Variants in ADARB2 observed in about 807,000 individuals in gnomAD.
ADARB2 encodes adenosine deaminase RNA specific B2 (inactive).
A neutral mutation model predicts 62.2 loss-of-function variants in ADARB2; 25 were observed. That is an observed-to-expected ratio of 0.40 (90% CI 0.29 to 0.56). The LOEUF (loss-of-function observed/expected upper bound fraction) is 0.56. Among genes scored for constraint, ADARB2 ranks in the 20% least tolerant of loss-of-function variants. The pLI is 0.43. For synonymous variants in ADARB2, 572 were observed against 500.8 expected (o/e 1.14, Z -1.90); for missense variants, 1,071 against 1,077.4 (o/e 0.99, Z 0.08).
chr10:1,359,542 C>G (rs1170490515), intron 3 of ADARB2, among the ~76,000 whole-genome samples: 1 of 152,230 alleles, frequency 6.6e-6, no homozygotes, highest in Non-Finnish European at 1.5e-5. Context: ...ACAAGTCTAT[C>G]GTACGTCATC....
chr10:1,487,370 T>C (rs1257778448), intron 1 of ADARB2, among the ~76,000 whole-genome samples: 1 of 152,226 alleles, frequency 6.6e-6, no homozygotes, highest in Non-Finnish European at 1.5e-5. Context: ...CTCACACTTC[T>C]CGTAAACAGA....
chr10:1,611,246 ATCTT>A (rs1833568817), intron 1 of ADARB2, among the ~76,000 whole-genome samples: 1 of 152,092 alleles, frequency 6.6e-6, no homozygotes, highest in Non-Finnish European at 1.5e-5. Flanking sequence ...CCAGCGGCCG[ATCTT>A]TCTTCTTCTC....
chr10:1,213,812 G>T (rs1440057930), intron 7 of ADARB2, among the ~76,000 whole-genome samples: 1 of 152,258 alleles, frequency 6.6e-6, no homozygotes, highest in Non-Finnish European at 1.5e-5. Context: ...TGCCCCTTGA[G>T]TGGCCACTGA....
At chr10:1,269,198 CTG>C (rs1399452570) in intron 4 of ADARB2, among the ~76,000 whole-genome samples, 1 of 151,592 alleles carries the variant, frequency 6.6e-6, no homozygotes, top group Non-Finnish European at 1.5e-5. Flanking sequence ...TAGCAGAAAT[CTG>C]TGTAACACTC....
intron 3 of ADARB2, among the ~76,000 whole-genome samples, chr10:1,334,795 C>T (rs117761308): frequency 6.6e-6 from 1 of 152,222 alleles, no homozygotes; most frequent in Non-Finnish European, 1.5e-5. Flanking sequence ...TGTAGCTGGG[C>T]CATTGCTGCA....
Position 1,381,058 on chromosome 10 carries a change from A to T in ADARB2, c.101-1898T>A, listed in dbSNP as rs369014189. Among the ~76,000 whole-genome samples, 10 of 152,372 alleles carry T rather than the reference A, an allele frequency of 6.6e-5. 1 individual carries two copies. The highest frequency in any genetic ancestry group is 2.4e-4 in the African/African-American group (10 of 41,596). ...CTTTCTGATGTTGTTAGATTTATCA[A>T]ATAAAAATTCAGGACATCCAGTTAA... On this transcript the variant is annotated intron_variant, in intron 1 of 9. Coordinates refer to ENST00000381312, the MANE Select transcript of ADARB2 (RefSeq NM_018702.4).
In ADARB2 at chr10:1,363,634, C is replaced by A. The variant is rs551013892; in HGVS notation, c.471G>T (p.Ala157=). 1.2e-4 allele frequency: 193 copies of A among 1,605,324 alleles called. No homozygotes were observed. The highest frequency in any genetic ancestry group is 1.6e-4 in the Non-Finnish European group (190 of 1,175,948). The change falls in exon 3 of 10, where the codon GCG becomes GCT. Residue 157 remains alanine, a synonymous_variant. Coordinates refer to ENST00000381312, the MANE Select transcript of ADARB2 (RefSeq NM_018702.4). ...QTGPVHAPVF[A]VAVEVNGLTF... ...TGAGCCCGTTCACCTCCACCGCTACCGCGAAGACCGGGGCATGCACCGGGC... is the reference window on the plus strand; with the variant it reads ...TGAGCCCGTTCACCTCCACCGCTACAGCGAAGACCGGGGCATGCACCGGGC...
At chr10:1,548,947 C>T (rs1315148984) in intron 1 of ADARB2, among the ~76,000 whole-genome samples, 2 of 152,120 alleles carry the variant, frequency 1.3e-5, no homozygotes, top group Non-Finnish European at 2.9e-5. Flanking sequence ...TTAAGGTGAT[C>T]TGGCTGGGCC....
chr10:1,272,419 T>C (rs952949244), intron 3 of ADARB2, among the ~76,000 whole-genome samples: 7 of 152,230 alleles, frequency 4.6e-5, no homozygotes, highest in Non-Finnish European at 8.8e-5. Flanking sequence ...CATGTTTGTG[T>C]GAAAACAGCC....
At chr10:1,217,875 C>T (rs544133389) in intron 6 of ADARB2, among the ~76,000 whole-genome samples, 95 of 152,160 alleles carry the variant, frequency 6.2e-4, no homozygotes, top group Non-Finnish European at 1.2e-3. Flanking sequence ...CCAGAAGTGA[C>T]GGAGCGTCTG....
At chr10:1,496,437 A>G (rs1376452332) in intron 1 of ADARB2, among the ~76,000 whole-genome samples, 1 of 150,470 alleles carries the variant, frequency 6.6e-6, no homozygotes, top group Non-Finnish European at 1.5e-5. Context: ...TTTAGTATCA[A>G]CATTATCATT....
chr10:1,419,493 T>C (rs1176024639), intron 1 of ADARB2, among the ~76,000 whole-genome samples: 3 of 152,236 alleles, frequency 2.0e-5, no homozygotes, highest in Non-Finnish European at 2.9e-5. Context: ...CTCATGCATA[T>C]GCTCCCCTAT....
At chr10:1,507,201 G>T (rs1564311497) in intron 1 of ADARB2, among the ~76,000 whole-genome samples, 1 of 152,230 alleles carries the variant, frequency 6.6e-6, no homozygotes, top group Non-Finnish European at 1.5e-5. Context: ...AATAAATACG[G>T]AAGCCAGGAA....
At chr10:1,615,797 G>GT (rs1319488974) in intron 1 of ADARB2, among the ~76,000 whole-genome samples, 2 of 152,242 alleles carry the variant, frequency 1.3e-5, no homozygotes, top group Non-Finnish European at 2.9e-5. Flanking sequence ...GGCAGGGACT[G>GT]TTGTCCTGAA....
intron 1 of ADARB2, among the ~76,000 whole-genome samples, chr10:1,720,844 C>T (rs756015058): frequency 3.9e-5 from 6 of 152,176 alleles, no homozygotes; most frequent in Admixed American, 2.6e-4. Context: ...GTATAAAAGA[C>T]GTTTATTAAC....
chr10:1,389,369 G>T (rs1446544724), intron 1 of ADARB2, among the ~76,000 whole-genome samples: 1 of 152,172 alleles, frequency 6.6e-6, no homozygotes, highest in Non-Finnish European at 1.5e-5. Context: ...AGATTGGGAT[G>T]ATATATTTAC....
At chr10:1,653,698 C>T (rs1588339921) in intron 1 of ADARB2, among the ~76,000 whole-genome samples, 2 of 152,198 alleles carry the variant, frequency 1.3e-5, no homozygotes, top group Non-Finnish European at 2.9e-5. Context: ...ACCACATGTT[C>T]GGTCTCATCT....
intron 1 of ADARB2, among the ~76,000 whole-genome samples, chr10:1,556,177 A>G (rs1035815989): frequency 6.6e-6 from 1 of 151,982 alleles, no homozygotes; most frequent in Non-Finnish European, 1.5e-5. Context: ...AAACGAGGAC[A>G]CGGCTTCAGG....
chr10:1,363,490 GC>G lies in ADARB2; in HGVS notation c.614del (p.Gly205AlafsTer79). On this transcript the variant is annotated frameshift_variant, in exon 3 of 10. Transcript: ENST00000381312. LOFTEE classifies it high-confidence loss of function. ...ACQAHLAMGG[G>X]PGPGTDFTSD... Reference sequence around the variant, plus strand: ...AGGTGAAGTCCGTGCCGGGGCCCGGGCCCCCGCCCATGGCCAGGTGCGCCTG... The same window carrying G: ...AGGTGAAGTCCGTGCCGGGGCCCGGGCCCCGCCCATGGCCAGGTGCGCCTG... 2 of 1,509,326 alleles carry G rather than the reference GC, an allele frequency of 1.3e-6. No homozygotes were observed. The highest frequency in any genetic ancestry group is 1.3e-5 in the South Asian group (1 of 75,820). 93.5% of individuals were successfully genotyped at this position (1,509,326 alleles called of 1,614,324 possible). A position where few individuals can be genotyped will look rare whatever the true frequency, so the allele number is the denominator to read the frequency against.
Sources: allele counts gnomAD v4.1 joint callset (sites outside exome capture counted in the v4.1 genomes callset), GRCh38; gene constraint gnomAD v4.1.1; transcripts MANE v1.5; gene names NCBI Gene and HGNC (gene_info 2026-07-23, HGNC 2026-07-21).